SLC30A3: variants seen among roughly 807,000 people sequenced by gnomAD.
SLC30A3 encodes probable proton-coupled zinc antiporter SLC30A3.
SLC30A3 carries 20 observed loss-of-function variants against 35.6 expected under a neutral mutation model. That is an observed-to-expected ratio of 0.56 (90% CI 0.39 to 0.82). The LOEUF is 0.82. Ranked by LOEUF, SLC30A3 falls within the 40% of genes least tolerant of loss-of-function variation. The probability of loss-of-function intolerance (pLI) is 0.00; values close to 1 mark genes in which losing one functional copy is unlikely to be tolerated. For synonymous variants in SLC30A3, 217 were observed against 224.7 expected (o/e 0.97, Z 0.31); for missense variants, 401 against 530.6 (o/e 0.76, Z 2.40).
chr2:27,264,125 G>GCT (rs1677373275), upstream of SLC30A3: 1 of 1,184,474 alleles, frequency 8.4e-7, no homozygotes, highest in Non-Finnish European at 1.1e-6. The surrounding 1 kb of genome is among the most constrained non-coding windows in gnomAD (Gnocchi z 6.1). Flanking sequence ...TGCACTCGAA[G>GCT]CTGTGACAGT....
At chr2:27,268,476 G>A (rs879697424) in intron 1 of SLC30A3, among the ~76,000 whole-genome samples, 6 of 152,154 alleles carry the variant, frequency 3.9e-5, no homozygotes, top group Admixed American at 1.3e-4. Context: ...ACTTTAGGCC[G>A]GGGGCGGTGG....
chr2:27,266,869 C>A (rs929726028), upstream of SLC30A3, among the ~76,000 whole-genome samples: 1 of 152,128 alleles, frequency 6.6e-6, no homozygotes, highest in Non-Finnish European at 1.5e-5. Context: ...TGCACTCCAG[C>A]CTGGATGACA....
rs575040284 is a variant in SLC30A3 at position 27,259,892 on chromosome 2, G to T, written c.96-958C>A. 4.1e-4 allele frequency among the ~76,000 whole-genome samples: 63 copies of T among 152,308 alleles called. 1 individual carries two copies. The highest frequency in any genetic ancestry group is 7.1e-4 in the Non-Finnish European group (48 of 68,038). On this transcript the variant is annotated intron_variant, in intron 1 of 7. Transcript: ENST00000233535. ...GGCCACTGTCATTAGGGCAGTTAGA[G>T]TGCTATCAGGGTTCTGAGGATGGAG... is the stretch of plus-strand genomic sequence containing the variant.
chr2:27,272,254 G>A (rs1042745132), intron 1 of SLC30A3, among the ~76,000 whole-genome samples: 1 of 152,172 alleles, frequency 6.6e-6, no homozygotes, highest in Non-Finnish European at 1.5e-5. Flanking sequence ...AGGACCATAT[G>A]AGGGAAGATG....
chr2:27,260,232 C>T lies in SLC30A3; in HGVS notation c.96-1298G>A, dbSNP rs972461817. On this transcript the variant is annotated intron_variant, in intron 1 of 7. Transcript: ENST00000233535. Reference sequence around the variant, plus strand: ...ACATTGGGGCCAAAAAGTCTGATTCCGGGCACAGAGAACTGATGGCTAGAT... The same window carrying T: ...ACATTGGGGCCAAAAAGTCTGATTCTGGGCACAGAGAACTGATGGCTAGAT... Among the ~76,000 whole-genome samples, 13 of 152,226 alleles carry T rather than the reference C, an allele frequency of 8.5e-5. No homozygotes were observed. In the South Asian group the frequency reaches 1.0e-3, roughly 12 times the overall value.
At chr2:27,275,349 T>G (rs1677967065), upstream of SLC30A3, 1 of 576,224 alleles carries the variant, frequency 1.7e-6, no homozygotes, top group Admixed American at 2.8e-5. Context: ...AGCCCTCCGC[T>G]CTCGCTTCCC....
chr2:27,257,710 C>T lies in SLC30A3; in HGVS notation c.578+195G>A. On this transcript the variant is annotated intron_variant, in intron 4 of 7. Transcript: ENST00000233535. The surrounding 1 kb of genome is among the most constrained non-coding windows in gnomAD (Gnocchi z 4.7). ...ATCAGAGTGGCTGGCCCATGGCAGG[C>T]CCTTGACAGAGATCTGCTGACTGAA... 3.2e-6 allele frequency: 2 copies of T among 630,256 alleles called. No individual in the cohort carries two copies. Among genetic ancestry groups the T allele is most frequent in the Non-Finnish European group, 5.5e-6 (2 of 364,672 alleles). 39.0% of individuals were successfully genotyped at this position (630,256 alleles called of 1,614,324 possible).
upstream of SLC30A3, among the ~76,000 whole-genome samples, chr2:27,264,527 C>T (rs980096753): frequency 3.3e-5 from 5 of 152,114 alleles, no homozygotes; most frequent in Admixed American, 2.0e-4. The surrounding 1 kb of genome is among the most constrained non-coding windows in gnomAD (Gnocchi z 6.1). Context: ...GTGCGGGCGG[C>T]GCGTGCGAAG....
At chr2:27,256,562 C>T (rs1270194116) in intron 6 of SLC30A3, 42 bp from the exon 7 acceptor site, 1 of 1,611,506 alleles carries the variant, frequency 6.2e-7, no homozygotes, top group South Asian at 1.1e-5. Context: ...AGGGCTACTC[C>T]TGCCCAGAAG....
rs539356360 is a variant in SLC30A3 at position 27,262,691 on chromosome 2, A to C, written c.95+121T>G. ...GAGGGGATGAAGCGGGGTGCAGCGG[A>C]GCGAGGGACCCGCGGTGCGCTGGGG... On this transcript the variant is annotated intron_variant, in intron 1 of 7. Coordinates refer to ENST00000233535, the MANE Select transcript of SLC30A3 (RefSeq NM_003459.5). This position sits in a 1 kb window ranked among gnomAD's most constrained non-coding sequence, Gnocchi z 7.5. 6 of 961,366 alleles carry C rather than the reference A, an allele frequency of 6.2e-6. No homozygotes were observed. The highest frequency in any genetic ancestry group is 4.0e-5 in the Admixed American group (1 of 24,966). 59.6% of individuals were successfully genotyped at this position (961,366 alleles called of 1,614,324 possible). A position where few individuals can be genotyped will look rare whatever the true frequency, so the allele number is the denominator to read the frequency against.
Position 27,258,078 on chromosome 2 carries a change from C to T in SLC30A3, c.425-20G>A, listed in dbSNP as rs780729404. ...GAGTCTCTGCGGGTGGGGGGGGAGA[C>T]AAGCTGTCAGAGACCTGCTTGGGAC... On this transcript the variant is annotated intron_variant, in intron 3 of 7. Coordinates refer to ENST00000233535, the MANE Select transcript of SLC30A3 (RefSeq NM_003459.5). The surrounding 1 kb of genome is among the most constrained non-coding windows in gnomAD (Gnocchi z 4.0). 1.9e-6 allele frequency: 3 copies of T among 1,613,306 alleles called. No homozygotes were observed. The highest frequency in any genetic ancestry group is 1.3e-5 in the African/African-American group (1 of 75,028).
At position 27,255,002 on chromosome 2, in the gene SLC30A3, G is replaced by T; in HGVS notation, c.*310C>A. 8.7e-7 allele frequency: 1 copy of T among 1,143,726 alleles called. No homozygotes were observed. The highest frequency in any genetic ancestry group is 3.9e-5 in the East Asian group (1 of 25,786). 70.8% of individuals were successfully genotyped at this position (1,143,726 alleles called of 1,614,324 possible). ...GGACTGCAGGGAAAGGATGTTCGTG[G>T]CTCCACATGAACCATGGGGAGATGG... On this transcript the variant is annotated 3_prime_UTR_variant, in exon 8 of 8. Transcript: ENST00000233535. The surrounding 1 kb of genome is among the most constrained non-coding windows in gnomAD (Gnocchi z 5.2).
chr2:27,268,547 A>G (rs1267736539), intron 1 of SLC30A3, among the ~76,000 whole-genome samples: 1 of 152,112 alleles, frequency 6.6e-6, no homozygotes, highest in Non-Finnish European at 1.5e-5. Flanking sequence ...AGGTCAGGAG[A>G]TCGAGACCAT....
At chr2:27,265,127 A>G (rs1005070327), upstream of SLC30A3, among the ~76,000 whole-genome samples, 2 of 152,238 alleles carry the variant, frequency 1.3e-5, no homozygotes, top group African/African-American at 4.8e-5. This position sits in a 1 kb window ranked among gnomAD's most constrained non-coding sequence, Gnocchi z 5.9. Context: ...AACAGGGGAC[A>G]TAACAACAAT....
chr2:27,257,283 C>T lies in SLC30A3; in HGVS notation c.648G>A (p.Pro216=), dbSNP rs763440726. The T allele has an allele frequency of 2.4e-5, 39 of 1,613,888 alleles. No individual in the cohort carries two copies. Among genetic ancestry groups the T allele is most frequent in the Middle Eastern group, 1.6e-4 (1 of 6,076 alleles). ...SHGSRGAEYA[P]LEEGPEEPLP... Reference sequence around the variant, plus strand: ...GGGGCTCTTCAGGCCCCTCCTCCAGCGGTGCATACTCTGCTCCCCTAGACC... The same window carrying T: ...GGGGCTCTTCAGGCCCCTCCTCCAGTGGTGCATACTCTGCTCCCCTAGACC... The change falls in exon 5 of 8, where the codon CCG becomes CCA. Residue 216 remains proline, a synonymous_variant. Transcript: ENST00000233535. This position sits in a 1 kb window ranked among gnomAD's most constrained non-coding sequence, Gnocchi z 4.7.
At chr2:27,264,128 G>T, upstream of SLC30A3, 1 of 1,154,244 alleles carries the variant, frequency 8.7e-7, no homozygotes, top group Non-Finnish European at 1.2e-6. The surrounding 1 kb of genome is among the most constrained non-coding windows in gnomAD (Gnocchi z 6.1). Context: ...ACTCGAAGCT[G>T]TGACAGTCTG....
Position 27,255,227 on chromosome 2 carries a change from T to G in SLC30A3, c.*85A>C, listed in dbSNP as rs1467618113. On this transcript the variant is annotated 3_prime_UTR_variant, in exon 8 of 8. Coordinates refer to ENST00000233535, the MANE Select transcript of SLC30A3 (RefSeq NM_003459.5). This position sits in a 1 kb window ranked among gnomAD's most constrained non-coding sequence, Gnocchi z 5.2. ...AGGAAGGGGTATGGACCTGGCTCGG[T>G]CCCGTCTCTGTGATCAGGGCAGCAG... 1 of 1,607,324 alleles carries G rather than the reference T, an allele frequency of 6.2e-7. No homozygotes were observed. The highest frequency in any genetic ancestry group is 8.5e-7 in the Non-Finnish European group (1 of 1,177,476).
At chr2:27,266,805 G>A (rs981940710), upstream of SLC30A3, among the ~76,000 whole-genome samples, 4 of 152,190 alleles carry the variant, frequency 2.6e-5, no homozygotes, top group African/African-American at 7.2e-5. Context: ...GCTGAGGCAG[G>A]AGAATCACTT....
chr2:27,258,688 C>T lies in SLC30A3; in HGVS notation c.277+65G>A, dbSNP rs1677010985. 1 of 1,556,156 alleles carries T rather than the reference C, an allele frequency of 6.4e-7. No homozygotes were observed. The highest frequency in any genetic ancestry group is 8.8e-7 in the Non-Finnish European group (1 of 1,130,698). On this transcript the variant is annotated intron_variant, in intron 2 of 7. Transcript: ENST00000233535. The surrounding 1 kb of genome is among the most constrained non-coding windows in gnomAD (Gnocchi z 4.0). ...TGCACCCAGGAACATTCCTGGGACT[C>T]TGGGTGGAGAGTGGCTTGGGCAGGT...
Sources: gnomAD v4.1 joint callset for allele counts (sites outside exome capture counted in the v4.1 genomes callset) on GRCh38, gnomAD v4.1.1 for gene constraint, Gnocchi (gnomAD v3.1) non-coding constraint, MANE v1.5 for transcripts, NCBI Gene and HGNC (gene_info 2026-07-23, HGNC 2026-07-21) for gene names.